Variants in KLF13 observed in about 807,000 individuals in gnomAD.
KLF13 encodes Krueppel-like factor 13.
Under a neutral mutation model 16.7 loss-of-function variants are expected in KLF13, and 8 were observed. The ratio of observed to expected loss-of-function variants is 0.48; its 90% CI spans 0.28 to 0.87. The LOEUF (loss-of-function observed/expected upper bound fraction) is 0.87, where lower values mean the gene tolerates loss of function less well. Among genes scored for constraint, KLF13 ranks in the 40% least tolerant of loss-of-function variants. The pLI, the probability that KLF13 is intolerant of heterozygous loss-of-function variation, is 0.10. For missense variants in KLF13, 447 were observed against 452.2 expected (o/e 0.99, Z 0.10); for synonymous variants, 245 against 208.4 (o/e 1.18, Z -1.51).
intron 1 of KLF13, among the ~76,000 whole-genome samples, chr15:31,410,606 CA>C (rs1192445284): frequency 6.0e-5 from 9 of 151,250 alleles, no homozygotes; most frequent in South Asian, 4.2e-4. Context: ...CACACACACA[CA>C]CACACACACA....
chr15:31,404,404 CA>C (rs1484431419), exon 3 of KLF13: 1 of 152,096 alleles, frequency 6.6e-6, no homozygotes, highest in African/African-American at 2.4e-5. Context: ...GTAAAATGCA[CA>C]AATCAGCACT....
At chr15:31,406,524 A>G (rs2040131466), downstream of KLF13, among the ~76,000 whole-genome samples, 1 of 152,216 alleles carries the variant, frequency 6.6e-6, no homozygotes, top group South Asian at 2.1e-4. Context: ...GAAGGAATGA[A>G]CAGAAAAAAA....
At chr15:31,380,064 G>T, downstream of KLF13, among the ~76,000 whole-genome samples, 1 of 152,090 alleles carries the variant, frequency 6.6e-6, no homozygotes. Context: ...CTGGGGGGCC[G>T]AGGAAGGCAG....
intron 2 of KLF13, among the ~76,000 whole-genome samples, chr15:31,395,145 A>G (rs937664737): frequency 2.6e-5 from 4 of 151,904 alleles, no homozygotes; most frequent in African/African-American, 9.7e-5. Context: ...ACGCCCGGCT[A>G]ATTTTTGTAT....
exon 3 of KLF13, chr15:31,404,394 G>A (rs2040084832): frequency 6.6e-6 from 1 of 152,202 alleles, no homozygotes; most frequent in Admixed American, 6.5e-5. Context: ...CAAAGGGATT[G>A]TAAAATGCAC....
At chr15:31,359,212 A>G (rs946468174) in intron 1 of KLF13, among the ~76,000 whole-genome samples, 1 of 152,176 alleles carries the variant, frequency 6.6e-6, no homozygotes, top group African/African-American at 2.4e-5. Context: ...GTGTGCGTGA[A>G]GGAGAGAAGC....
chr15:31,417,982 A>G (rs566748130), intron 1 of KLF13, among the ~76,000 whole-genome samples: 79 of 152,316 alleles, frequency 5.2e-4, no homozygotes, highest in Admixed American at 1.8e-3. Context: ...TGCACATTCA[A>G]CACACAAGGA....
At chr15:31,354,278 G>T (rs903420091) in intron 1 of KLF13, among the ~76,000 whole-genome samples, 4 of 152,244 alleles carry the variant, frequency 2.6e-5, no homozygotes, top group African/African-American at 9.6e-5. Context: ...GAGCAGGCCT[G>T]GGGAGAGCCA....
At chr15:31,370,143 A>G (rs1381799214) in intron 1 of KLF13, among the ~76,000 whole-genome samples, 3 of 138,682 alleles carry the variant, frequency 2.2e-5, no homozygotes, top group Non-Finnish European at 3.1e-5. Context: ...CTTGATTGTA[A>G]TTGTCGTGTA....
At chr15:31,364,555 G>C (rs1471862465) in intron 1 of KLF13, among the ~76,000 whole-genome samples, 4 of 152,258 alleles carry the variant, frequency 2.6e-5, no homozygotes, top group Admixed American at 2.0e-4. Flanking sequence ...AAGCACCACT[G>C]TGCAGCAGGC....
intron 1 of KLF13, among the ~76,000 whole-genome samples, chr15:31,336,400 C>T (rs997030719): frequency 2.0e-5 from 3 of 152,102 alleles, no homozygotes; most frequent in South Asian, 2.1e-4. Flanking sequence ...GGGAGGTGGT[C>T]AGGTGCTCCC....
chr15:31,357,056 GCT>G lies in KLF13; in HGVS notation c.578-14951_578-14950del. ...CTCTTACCCATCCATTTGTATTTTT[GCT>G]CTGTTTTCTGTGAAATTCTCTCAGT... is the stretch of plus-strand genomic sequence containing the variant. On this transcript the variant is annotated intron_variant, in intron 1 of 1. Transcript: ENST00000307145. Among the ~76,000 whole-genome samples the G allele has an allele frequency of 1.3e-5, 2 of 152,168 alleles. 1 individual carries two copies. The highest frequency in any genetic ancestry group is 6.8e-3 in the Middle Eastern group (2 of 294).
At chr15:31,358,071 G>A (rs989774770) in intron 1 of KLF13, among the ~76,000 whole-genome samples, 11 of 152,342 alleles carry the variant, frequency 7.2e-5, no homozygotes, top group African/African-American at 2.6e-4. Flanking sequence ...CGTGGGGAGA[G>A]ATGAGGGTAA....
At chr15:31,333,947 C>T (rs2038880787) in intron 1 of KLF13, among the ~76,000 whole-genome samples, 1 of 140,472 alleles carries the variant, frequency 7.1e-6, no homozygotes, top group Non-Finnish European at 1.7e-5. Flanking sequence ...ACTTCCATCG[C>T]CTCATGGGGG....
chr15:31,371,887 G>T, intron 1 of KLF13, 123 bp from the exon 2 acceptor site: 1 of 1,099,320 alleles, frequency 9.1e-7, no homozygotes, highest in Non-Finnish European at 1.3e-6. Context: ...GAAGCTCTTG[G>T]AGGTGGGGCA....
intron 1 of KLF13, among the ~76,000 whole-genome samples, chr15:31,423,434 C>A (rs1595514230): frequency 6.6e-6 from 1 of 151,796 alleles, no homozygotes; most frequent in East Asian, 1.9e-4. Flanking sequence ...GAGTTCGAGA[C>A]CAGGCTGGCC....
At chr15:31,339,005 A>G (rs1397719333) in intron 1 of KLF13, among the ~76,000 whole-genome samples, 1 of 152,002 alleles carries the variant, frequency 6.6e-6, no homozygotes, top group Non-Finnish European at 1.5e-5. Flanking sequence ...ATCCTGGGAG[A>G]CACTGTGGGG....
At position 31,326,856 on chromosome 15, in the gene KLF13, G is replaced by A. The variant is rs1436645288; in HGVS notation, c.-357G>A. ...GCCCACACGGAGCCGCGGCGCGCAC[G>A]GCAGCTGTCCCGCCTGCCACAATGC... On this transcript the variant is annotated 5_prime_UTR_variant, in exon 1 of 2. Coordinates refer to ENST00000307145, the MANE Select transcript of KLF13 (RefSeq NM_015995.4). 1 of 150,754 alleles carries A rather than the reference G, an allele frequency of 6.6e-6. No homozygotes were observed. The highest frequency in any genetic ancestry group is 1.5e-5 in the Non-Finnish European group (1 of 67,444). 9.3% of individuals were successfully genotyped at this position (150,754 alleles called of 1,614,324 possible). A position where few individuals can be genotyped will look rare whatever the true frequency, so the allele number is the denominator to read the frequency against.
At chr15:31,433,819 C>T (rs952584213) in intron 1 of KLF13, among the ~76,000 whole-genome samples, 27 of 152,356 alleles carry the variant, frequency 1.8e-4, no homozygotes, top group East Asian at 1.2e-3. Flanking sequence ...ATCAGTCCCA[C>T]GCCAGTCCCT....
Sources: allele counts gnomAD v4.1 joint callset (sites outside exome capture counted in the v4.1 genomes callset), GRCh38; gene constraint gnomAD v4.1.1; transcripts MANE v1.5; gene names NCBI Gene and HGNC (gene_info 2026-07-23, HGNC 2026-07-21).